Variants in DDX21 observed in about 807,000 individuals in gnomAD.
DDX21 encodes nucleolar RNA helicase 2.
Under a neutral mutation model 90.0 loss-of-function variants are expected in DDX21, and 18 were observed. The observed-to-expected ratio is 0.20, with a 90% CI of 0.14 to 0.30. DDX21 has a LOEUF of 0.30. Ranked by LOEUF, DDX21 falls within the 10% of genes least tolerant of loss-of-function variation. The pLI is 1.00. For missense variants in DDX21, 673 were observed against 944.5 expected, an observed-to-expected ratio of 0.71 and a Z score of 3.77; for synonymous variants, 294 against 318.0, an observed-to-expected ratio of 0.92 and a Z score of 0.80.
intron 13 of DDX21, 130 bp downstream of exon 13, chr10:68,979,106 A>T: frequency 7.7e-7 from 1 of 1,307,122 alleles, no homozygotes; most frequent in Non-Finnish European, 1.0e-6. Context: ...GGGTAATCTC[A>T]TCCGTGATCC....
intron 1 of DDX21, among the ~76,000 whole-genome samples, chr10:68,959,545 C>A (rs1233330054): frequency 6.6e-6 from 1 of 152,088 alleles, no homozygotes; most frequent in Admixed American, 6.6e-5. Context: ...TGAATAGTTA[C>A]TAAGGGGCAC....
At chr10:68,963,496 C>T in intron 4 of DDX21, 27 bp downstream of exon 4, 1 of 1,581,262 alleles carries the variant, frequency 6.3e-7, no homozygotes, top group Admixed American at 1.9e-5. Flanking sequence ...CAAGGGCTCT[C>T]AGTCAGCATA....
intron 6 of DDX21, 61 bp downstream of exon 6, chr10:68,967,264 C>T (rs1842952138): frequency 6.5e-7 from 1 of 1,529,410 alleles, no homozygotes; most frequent in Non-Finnish European, 8.8e-7. Context: ...AACTCTGTCT[C>T]CTGGGTTCAA....
intron 14 of DDX21, 53 bp downstream of exon 14, chr10:68,981,634 A>G: frequency 7.3e-7 from 1 of 1,365,314 alleles, no homozygotes; most frequent in Non-Finnish European, 1.0e-6. Flanking sequence ...GTAGAATGTT[A>G]ATTATGAAAA....
At chr10:68,975,794 A>G (rs556268891) in intron 11 of DDX21, among the ~76,000 whole-genome samples, 2 of 152,254 alleles carry the variant, frequency 1.3e-5, no homozygotes, top group African/African-American at 4.8e-5. Context: ...CACACCTGTA[A>G]TCCCAGCACT....
At chr10:68,962,257 A>G in intron 3 of DDX21, 100 bp downstream of exon 3, 1 of 842,236 alleles carries the variant, frequency 1.2e-6, no homozygotes, top group Non-Finnish European at 1.9e-6. Context: ...TTCTTATTGT[A>G]GGCTGATATA....
chr10:68,960,350 T>G, intron 2 of DDX21, 101 bp downstream of exon 2: 1 of 1,238,256 alleles, frequency 8.1e-7, no homozygotes, highest in Non-Finnish European at 1.1e-6. Flanking sequence ...GGAGAAAATG[T>G]GATGTGTCAG....
chr10:68,981,633 T>C (rs750876506), intron 14 of DDX21, 52 bp downstream of exon 14: 1 of 1,392,572 alleles, frequency 7.2e-7, no homozygotes, highest in African/African-American at 1.4e-5. Context: ...TGTAGAATGT[T>C]AATTATGAAA....
chr10:68,966,835 T>C (rs1842945195), intron 5 of DDX21, among the ~76,000 whole-genome samples, 183 bp from the exon 6 acceptor site: 1 of 152,206 alleles, frequency 6.6e-6, no homozygotes, highest in Non-Finnish European at 1.5e-5. Flanking sequence ...TTTTCACTTC[T>C]AATGTTTTTC....
At chr10:68,976,229 A>T (rs980359049) in intron 11 of DDX21, among the ~76,000 whole-genome samples, 1 of 149,766 alleles carries the variant, frequency 6.7e-6, no homozygotes, top group African/African-American at 2.5e-5. Context: ...TATCTCAAAA[A>T]AAAGAAAGAG....
Position 68,960,306 on chromosome 10 carries a change from A to T in DDX21, c.531+57A>T, listed in dbSNP as rs940024607. On this transcript the variant is annotated intron_variant, in intron 2 of 14. Coordinates refer to ENST00000354185, the MANE Select transcript of DDX21 (RefSeq NM_004728.4). ...CTTTCATTGTTGTTTCAGATAAATA[A>T]GTAGGTAACTGCTATATGTACTCTT... The T allele has an allele frequency of 1.3e-5, 19 of 1,507,894 alleles. No individual in the cohort carries two copies. The African/African-American group carries it at 2.7e-4, about 21-fold the overall frequency. The allele number at this position is 1,507,894 out of a possible 1,614,324, so 93.4% of individuals were successfully genotyped here.
At chr10:68,973,484 C>A in intron 9 of DDX21, 61 bp from the exon 10 acceptor site, 1 of 1,604,656 alleles carries the variant, frequency 6.2e-7, no homozygotes. Context: ...CCTGCATAGG[C>A]TACTCAGGTG....
intron 3 of DDX21, among the ~76,000 whole-genome samples, chr10:68,962,884 T>TA (rs1310635052): frequency 2.6e-5 from 4 of 152,162 alleles, no homozygotes; most frequent in Non-Finnish European, 5.9e-5. Context: ...TTTTCAGGCT[T>TA]ATGGATGAGA....
intron 10 of DDX21, 59 bp downstream of exon 10, chr10:68,973,723 T>C: frequency 6.4e-7 from 1 of 1,558,168 alleles, no homozygotes. Context: ...AGTCTTTGGT[T>C]TCTTCAATTT....
chr10:68,956,792 C>G (rs2132076226), intron 1 of DDX21: 1 of 991,480 alleles, frequency 1.0e-6, no homozygotes, highest in East Asian at 1.1e-4. Context: ...CCTGTAATCC[C>G]AACACTTTGG....
intron 5 of DDX21, 52 bp downstream of exon 5, chr10:68,965,546 C>A: frequency 1.5e-6 from 2 of 1,312,778 alleles, no homozygotes; most frequent in Non-Finnish European, 1.1e-6. Flanking sequence ...TTGTTGACTG[C>A]TCTGATTGGA....
At chr10:68,962,241 G>T in intron 3 of DDX21, 84 bp downstream of exon 3, 2 of 1,044,710 alleles carry the variant, frequency 1.9e-6, no homozygotes, top group Non-Finnish European at 2.9e-6. Context: ...GATGAACCAG[G>T]ATGTATTCTT....
chr10:68,974,814 A>G (rs1843072414), intron 11 of DDX21, 71 bp downstream of exon 11: 3 of 1,414,338 alleles, frequency 2.1e-6, no homozygotes, highest in Non-Finnish European at 2.9e-6. Flanking sequence ...GTACAGTAAT[A>G]AGATTTGACT....
chr10:68,965,771 A>G (rs370516492), intron 5 of DDX21, among the ~76,000 whole-genome samples: 1 of 151,784 alleles, frequency 6.6e-6, no homozygotes, highest in East Asian at 1.9e-4. Context: ...TTTGGGCTCT[A>G]GGAAATAGGA....
Sources: gnomAD v4.1 joint callset for allele counts (sites outside exome capture counted in the v4.1 genomes callset) on GRCh38, gnomAD v4.1.1 for gene constraint, MANE v1.5 for transcripts, NCBI Gene and HGNC (gene_info 2026-07-23, HGNC 2026-07-21) for gene names.